Variants in HS1BP3 observed in about 807,000 individuals in gnomAD.
The protein encoded by HS1BP3 is HCLS1-binding protein 3.
A neutral mutation model predicts 33.5 loss-of-function variants in HS1BP3; 32 were observed. The ratio of observed to expected loss-of-function variants is 0.95; its 90% CI spans 0.72 to 1.28. The LOEUF (loss-of-function observed/expected upper bound fraction) is 1.28. Among genes scored for constraint, HS1BP3 ranks in the 50% most tolerant of loss-of-function variants. The pLI is 0.00. For synonymous variants in HS1BP3, 187 were observed against 209.2 expected (o/e 0.89, Z 0.92); for missense variants, 486 against 502.3 (o/e 0.97, Z 0.31).
intron 5 of HS1BP3, among the ~76,000 whole-genome samples, chr2:20,571,865 A>G (rs1693282460): frequency 1.3e-5 from 2 of 152,234 alleles, no homozygotes; most frequent in Admixed American, 1.3e-4. Context: ...GCCAGAATGC[A>G]GGCCACTCAG....
chr2:20,556,342 C>G (rs911985122), downstream of HS1BP3, among the ~76,000 whole-genome samples: 1 of 152,154 alleles, frequency 6.6e-6, no homozygotes, highest in Non-Finnish European at 1.5e-5. Flanking sequence ...GTTCCATCAG[C>G]TTTGCAAAAT....
intron 1 of HS1BP3, among the ~76,000 whole-genome samples, chr2:20,649,647 T>C (rs1391957456): frequency 6.6e-6 from 1 of 152,138 alleles, no homozygotes; most frequent in Non-Finnish European, 1.5e-5. Context: ...CATGTGGCAA[T>C]GACATGTGGG....
intron 5 of HS1BP3, among the ~76,000 whole-genome samples, chr2:20,569,824 C>T (rs984550534): frequency 7.9e-5 from 12 of 152,242 alleles, no homozygotes; most frequent in African/African-American, 2.7e-4. Context: ...TCACACATTC[C>T]CTGAACCTTG....
At chr2:20,555,025 T>C in the HS1BP3 span, among the ~76,000 whole-genome samples, 1 of 152,152 alleles carries the variant, frequency 6.6e-6, no homozygotes, top group African/African-American at 2.4e-5. Flanking sequence ...ACACACCCTT[T>C]CCCTGCCTCG....
At chr2:20,607,521 T>G (rs1327214993) in intron 2 of HS1BP3, among the ~76,000 whole-genome samples, 9 of 152,244 alleles carry the variant, frequency 5.9e-5, no homozygotes, top group Non-Finnish European at 1.3e-4. Flanking sequence ...CTATTCTGCA[T>G]GGAATGGTCT....
chr2:20,601,603 A>C (rs1694070170), intron 2 of HS1BP3, among the ~76,000 whole-genome samples: 1 of 152,022 alleles, frequency 6.6e-6, no homozygotes. Context: ...ATGATTTTAT[A>C]AACGGAAATT....
At chr2:20,585,679 A>G (rs1276308066) in intron 5 of HS1BP3, among the ~76,000 whole-genome samples, 1 of 152,220 alleles carries the variant, frequency 6.6e-6, no homozygotes, top group African/African-American at 2.4e-5. Flanking sequence ...TCCAAATACT[A>G]GAAAAATAAC....
intron 5 of HS1BP3, among the ~76,000 whole-genome samples, chr2:20,566,683 T>C (rs542969247): frequency 3.7e-4 from 56 of 151,920 alleles, no homozygotes; most frequent in African/African-American, 1.2e-3. Context: ...CTCAGCTCAC[T>C]GCAAACCCTG....
intron 4 of HS1BP3, chr2:20,636,927 C>G (rs1253220132): frequency 6.6e-6 from 1 of 152,136 alleles, no homozygotes; most frequent in Non-Finnish European, 1.5e-5. Flanking sequence ...AAAGAAACCC[C>G]AGCAGGGGAG....
chr2:20,585,922 T>C (rs1693670316), intron 5 of HS1BP3, among the ~76,000 whole-genome samples: 1 of 152,188 alleles, frequency 6.6e-6, no homozygotes, highest in African/African-American at 2.4e-5. Flanking sequence ...TGGGTGTTGC[T>C]CCTCCTTTCA....
chr2:20,555,271 T>A, the HS1BP3 span, among the ~76,000 whole-genome samples: 1 of 152,210 alleles, frequency 6.6e-6, no homozygotes, highest in Non-Finnish European at 1.5e-5. Flanking sequence ...GTCCACGGCT[T>A]AAGAGGCCAG....
intron 3 of HS1BP3, among the ~76,000 whole-genome samples, chr2:20,593,660 C>T (rs1330108605): frequency 1.3e-5 from 2 of 152,122 alleles, no homozygotes; most frequent in Non-Finnish European, 1.5e-5. Flanking sequence ...TCATGAGTCA[C>T]CAGAGGCCCT....
chr2:20,613,605 T>C (rs552271923), downstream of HS1BP3, among the ~76,000 whole-genome samples: 2 of 152,346 alleles, frequency 1.3e-5, no homozygotes, highest in East Asian at 3.9e-4. Flanking sequence ...TTTCACTATT[T>C]AATAAAGAGA....
downstream of HS1BP3, among the ~76,000 whole-genome samples, chr2:20,613,611 A>G (rs1340149836): frequency 1.3e-5 from 2 of 152,268 alleles, no homozygotes; most frequent in South Asian, 4.1e-4. Context: ...TATTTAATAA[A>G]GAGATCCAGC....
At chr2:20,599,075 C>T (rs1391345493) in intron 2 of HS1BP3, among the ~76,000 whole-genome samples, 5 of 152,208 alleles carry the variant, frequency 3.3e-5, no homozygotes, top group Admixed American at 2.0e-4. Flanking sequence ...ACCTCAGCAC[C>T]GCCCCTGGGG....
intron 1 of HS1BP3, among the ~76,000 whole-genome samples, chr2:20,647,916 G>A (rs189150216): frequency 7.2e-4 from 110 of 152,276 alleles, no homozygotes; most frequent in African/African-American, 2.4e-3. Context: ...CAAGTGATGT[G>A]GACACTGCTG....
intron 5 of HS1BP3, among the ~76,000 whole-genome samples, chr2:20,560,745 C>G (rs964156207): frequency 6.6e-6 from 1 of 152,098 alleles, no homozygotes; most frequent in Non-Finnish European, 1.5e-5. Flanking sequence ...TTCCAACTCT[C>G]AGGCCTGGCT....
chr2:20,557,143 C>G (rs1188678425), downstream of HS1BP3, among the ~76,000 whole-genome samples: 1 of 152,242 alleles, frequency 6.6e-6, no homozygotes, highest in East Asian at 1.9e-4. Flanking sequence ...CCATTGACCT[C>G]TAGCATCTAT....
rs1054771669 is a variant in HS1BP3, at chr2:20,611,157, C to G, written c.178+12739G>C. 2.0e-5 allele frequency among the ~76,000 whole-genome samples: 3 copies of G among 152,184 alleles called. No homozygotes were observed. The highest frequency in any genetic ancestry group is 7.2e-5 in the African/African-American group (3 of 41,446). ...TCCTTTTTGACGCTGCACAGCATTC[C>G]GCTGCATCCATGTGCCACTGTTTGC... On this transcript the variant is annotated intron_variant, in intron 2 of 3. Coordinates refer to the HS1BP3 transcript ENST00000415264. The surrounding 1 kb of genome is among the most constrained non-coding windows in gnomAD (Gnocchi z 4.9).
Sources: gnomAD v4.1 joint callset for allele counts (sites outside exome capture counted in the v4.1 genomes callset) on GRCh38, gnomAD v4.1.1 for gene constraint, Gnocchi (gnomAD v3.1) non-coding constraint, MANE v1.5 for transcripts, NCBI Gene and HGNC (gene_info 2026-07-23, HGNC 2026-07-21) for gene names.